The following CNTRL variants were observed in gnomAD, a reference collection of about 807,000 sequenced individuals.
The protein encoded by CNTRL is 110 kDa centrosomal protein.
In CNTRL, 233 loss-of-function variants were observed where a neutral mutation model predicts 303.7. The observed-to-expected ratio is 0.77, with a 90% CI of 0.69 to 0.86. The LOEUF is 0.86. CNTRL is among the 40% of genes least tolerant of loss of function. The probability of loss-of-function intolerance (pLI) is 0.00; values close to 1 mark genes in which losing one functional copy is unlikely to be tolerated. For missense variants in CNTRL, 2,524 were observed against 2,650.6 expected, an observed-to-expected ratio of 0.95 and a Z score of 1.05; for synonymous variants, 900 against 922.2, an observed-to-expected ratio of 0.98 and a Z score of 0.44.
At chr9:121,155,086 A>C in intron 27 of CNTRL, 173 bp downstream of exon 27, 1 of 608,866 alleles carries the variant, frequency 1.6e-6, no homozygotes, top group Non-Finnish European at 3.0e-6. Flanking sequence ...TATGCAAGTC[A>C]TATAAGTCCC....
intron 11 of CNTRL, among the ~76,000 whole-genome samples, chr9:121,117,978 CAAAA>C (rs1052166182): frequency 8.2e-6 from 1 of 121,856 alleles, no homozygotes. Context: ...GACTCCGTCT[CAAAA>C]AAAAAAAAAA....
chr9:121,157,851 A>G lies in CNTRL; in HGVS notation c.4608A>G (p.Leu1536=). 6.2e-7 allele frequency: 1 copy of G among 1,614,124 alleles called. No individual in the cohort carries two copies. The highest frequency in any genetic ancestry group is 8.5e-7 in the Non-Finnish European group (1 of 1,180,020). The stretch of plus-strand genomic sequence containing the variant: ...CAAAAGACTCAGACTTCCAATGTTT[A>G]AGCAAGAAGAAGGAAAAACTGACAG... The part of the protein sequence containing the change: ...VAAKDSDFQC[L]SKKKEKLTEE... Residue 1536 remains leucine, a synonymous_variant, in exon 29 of 44, where the codon TTA becomes TTG. Coordinates refer to ENST00000373855, the MANE Select transcript of CNTRL (RefSeq NM_007018.6).
At chr9:121,175,513 C>T (rs2053485875) in intron 43 of CNTRL, among the ~76,000 whole-genome samples, 1 of 152,242 alleles carries the variant, frequency 6.6e-6, no homozygotes, top group South Asian at 2.1e-4. Flanking sequence ...AAGCGATCCT[C>T]CTGCCTCGGC....
chr9:121,117,590 G>T (rs2050035945), intron 11 of CNTRL, among the ~76,000 whole-genome samples: 1 of 152,112 alleles, frequency 6.6e-6, no homozygotes, highest in South Asian at 2.1e-4. Context: ...GTATGACCTT[G>T]GGCGAGATAT....
intron 7 of CNTRL, 60 bp from the exon 8 acceptor site, chr9:121,107,742 C>A: frequency 1.9e-6 from 2 of 1,060,446 alleles, no homozygotes; most frequent in South Asian, 1.8e-5. Flanking sequence ...GAGAAATATT[C>A]TTACCTTTTT....
chr9:121,094,001 T>C (rs187650331), intron 4 of CNTRL, among the ~76,000 whole-genome samples: 2 of 152,170 alleles, frequency 1.3e-5, no homozygotes, highest in East Asian at 3.9e-4. Context: ...TCCCAGCTAC[T>C]CGGGAGGCTG....
At chr9:121,151,395 T>TTTA (rs2052245685) in intron 25 of CNTRL, among the ~76,000 whole-genome samples, 1 of 136,930 alleles carries the variant, frequency 7.3e-6, no homozygotes, top group Admixed American at 7.6e-5. Flanking sequence ...TTCTTTTTTT[T>TTTA]TTTTTTTTTT....
intron 1 of CNTRL, among the ~76,000 whole-genome samples, chr9:121,078,487 T>C (rs1456625181): frequency 6.6e-6 from 1 of 152,140 alleles, no homozygotes; most frequent in Admixed American, 6.5e-5. Context: ...CATGATTCCG[T>C]AGGATTTTCC....
intron 11 of CNTRL, among the ~76,000 whole-genome samples, chr9:121,117,746 G>A (rs970944220): frequency 2.6e-5 from 4 of 152,140 alleles, no homozygotes; most frequent in Admixed American, 6.5e-5. Context: ...TTGGGAGGCC[G>A]AGACGGGTGG....
chr9:121,151,907 C>T (rs187630840), intron 25 of CNTRL: 173 of 153,998 alleles, frequency 1.1e-3, no homozygotes, highest in Admixed American at 2.1e-3. Flanking sequence ...GTAGTAGTCA[C>T]TCACATTCTT....
rs778664494 is a variant in CNTRL at position 121,171,455 on chromosome 9, T to G, written c.6324T>G (p.Ile2108Met). The change falls in exon 40 of 44, where the codon ATT becomes ATG. Residue 2108 changes from isoleucine (I) to methionine (M), a missense_variant. Physicochemically the swap from Ile to Met is conservative, Grantham distance 10. Transcript: ENST00000373855. ...GCATACAAAAGGAAATGGCAACAAT[T>G]GAACTGGTAGCCCAGGACAACCATG... is the stretch of plus-strand genomic sequence containing the variant. ...NSCIQKEMAT[I>M]ELVAQDNHER... 2.5e-6 allele frequency: 4 copies of G among 1,613,970 alleles called. No individual in the cohort carries two copies. The highest frequency in any genetic ancestry group is 1.7e-5 in the Admixed American group (1 of 60,000).
rs191219538 is a variant in CNTRL, at chr9:121,105,443, C to T, written c.809-2359C>T. ...TCAGTTTGAAATGTCTGTGAGACAA[C>T]TAAGTGGAGGTGGCATAGAGTCAGA... On this transcript the variant is annotated intron_variant, in intron 7 of 43. Coordinates refer to ENST00000373855, the MANE Select transcript of CNTRL (RefSeq NM_007018.6). Among the ~76,000 whole-genome samples, 13 of 152,280 alleles carry T rather than the reference C, an allele frequency of 8.5e-5. No individual in the cohort carries two copies. In the East Asian group the frequency reaches 2.5e-3, roughly 29 times the overall value.
At chr9:121,102,786 C>A (rs1372120378) in intron 7 of CNTRL, among the ~76,000 whole-genome samples, 2 of 152,144 alleles carry the variant, frequency 1.3e-5, no homozygotes, top group African/African-American at 4.8e-5. Flanking sequence ...CATGAGTGAA[C>A]TCCCATTCAC....
At chr9:121,129,729 G>A (rs796393400) in intron 14 of CNTRL, among the ~76,000 whole-genome samples, 1 of 151,878 alleles carries the variant, frequency 6.6e-6, no homozygotes, top group Admixed American at 6.5e-5. Context: ...CAAAGGGAAT[G>A]CTTCCAGTTT....
intron 14 of CNTRL, among the ~76,000 whole-genome samples, chr9:121,134,198 A>AT (rs374661045): frequency 6.6e-6 from 1 of 151,964 alleles, no homozygotes; most frequent in Non-Finnish European, 1.5e-5. Context: ...TTCAACACAC[A>AT]TTTTTTTAAG....
At chr9:121,105,078 G>A (rs1420844896) in intron 7 of CNTRL, among the ~76,000 whole-genome samples, 1 of 152,150 alleles carries the variant, frequency 6.6e-6, no homozygotes, top group Non-Finnish European at 1.5e-5. Context: ...TTTGGAGCAG[G>A]GAAAATGGAG....
At chr9:121,128,983 C>T (rs1265376909) in intron 14 of CNTRL, among the ~76,000 whole-genome samples, 1 of 152,168 alleles carries the variant, frequency 6.6e-6, no homozygotes, top group Admixed American at 6.5e-5. Context: ...AGTCTCTGTT[C>T]TGTTCCATTG....
chr9:121,075,836 C>T (rs1462239686), intron 1 of CNTRL, among the ~76,000 whole-genome samples: 1 of 152,204 alleles, frequency 6.6e-6, no homozygotes, highest in Non-Finnish European at 1.5e-5. Context: ...AGTGATAGCA[C>T]TGAGGACCAG....
chr9:121,103,757 G>C (rs892713474), intron 7 of CNTRL, among the ~76,000 whole-genome samples: 1 of 151,980 alleles, frequency 6.6e-6, no homozygotes, highest in African/African-American at 2.4e-5. Flanking sequence ...CATCTCAAAA[G>C]AAGACATTTA....
Sources: allele counts gnomAD v4.1 joint callset (sites outside exome capture counted in the v4.1 genomes callset), GRCh38; gene constraint gnomAD v4.1.1; transcripts MANE v1.5; gene names NCBI Gene and HGNC (gene_info 2026-07-23, HGNC 2026-07-21).